The following ANK3 variants were observed in gnomAD, a reference collection of about 807,000 sequenced individuals.
ANK3 encodes ankyrin 3.
In ANK3, 57 loss-of-function variants were observed where a neutral mutation model predicts 370.9. The observed-to-expected ratio is 0.15, with a 90% CI of 0.12 to 0.19. ANK3 has a LOEUF of 0.19. ANK3 is among the 10% of genes least tolerant of loss of function. ANK3 has a pLI of 1.00. For missense variants in ANK3, 4,439 were observed against 5,302.1 expected (o/e 0.84, Z 5.06); for synonymous variants, 1,929 against 1,946.3 (o/e 0.99, Z 0.23).
At chr10:60,491,227 A>C (rs75598801) in intron 2 of ANK3, among the ~76,000 whole-genome samples, 19,802 of 152,142 alleles carry the variant, frequency 0.13, 1,505 homozygotes, top group African/African-American at 0.21. Flanking sequence ...ACTAAGGTTA[A>C]AATCAACATT....
chr10:60,325,565 C>A (rs2049642655), intron 1 of ANK3, among the ~76,000 whole-genome samples: 1 of 152,174 alleles, frequency 6.6e-6, no homozygotes. Context: ...CTAAAATGAG[C>A]AACACACTTT....
chr10:60,334,359 C>A (rs1446913797), intron 1 of ANK3, among the ~76,000 whole-genome samples: 1 of 152,166 alleles, frequency 6.6e-6, no homozygotes, highest in East Asian at 1.9e-4. Flanking sequence ...AGCCACCACA[C>A]CACAATCCTC....
intron 1 of ANK3, among the ~76,000 whole-genome samples, chr10:60,623,855 C>A (rs964689885): frequency 2.6e-5 from 4 of 152,168 alleles, no homozygotes; most frequent in Non-Finnish European, 5.9e-5. Context: ...AGAGTCTATG[C>A]AAACAATGTG....
At chr10:60,193,760 G>A (rs1322392322) in intron 16 of ANK3, among the ~76,000 whole-genome samples, 1 of 152,022 alleles carries the variant, frequency 6.6e-6, no homozygotes, top group Admixed American at 6.6e-5. Flanking sequence ...TCTCATCCAA[G>A]GAAAAAATAG....
rs188106797 is a variant in ANK3 at position 60,701,268 on chromosome 10, A to C, written c.57+31995T>G. ...TCTGGGCAAGGCTGTGAGAAAAAAA[A>C]ACATTTTCATATGTGGTCGAGAATA... On this transcript the variant is annotated intron_variant, in intron 1 of 43. Transcript: ENST00000373827. Among the ~76,000 whole-genome samples the C allele has an allele frequency of 1.9e-3, 293 of 152,288 alleles. 1 individual carries two copies. The highest frequency in any genetic ancestry group is 3.4e-3 in the Non-Finnish European group (233 of 68,020).
At chr10:60,502,901 C>T (rs952170521) in intron 2 of ANK3, among the ~76,000 whole-genome samples, 7 of 147,180 alleles carry the variant, frequency 4.8e-5, no homozygotes, top group African/African-American at 1.8e-4. Context: ...AGAAAGAGAA[C>T]AAGACAGAAA....
chr10:60,595,432 G>T (rs1302013753), intron 2 of ANK3, among the ~76,000 whole-genome samples: 1 of 152,126 alleles, frequency 6.6e-6, no homozygotes. Context: ...CACTGAGTCA[G>T]TTCCTGGTTG....
intron 2 of ANK3, among the ~76,000 whole-genome samples, chr10:60,562,382 A>G (rs1018921740): frequency 2.0e-5 from 3 of 151,388 alleles, no homozygotes; most frequent in Admixed American, 2.0e-4. Flanking sequence ...AAATGTTAAC[A>G]ATATGTCTTA....
chr10:60,412,930 G>T (rs569252888), intron 2 of ANK3, among the ~76,000 whole-genome samples: 1 of 152,220 alleles, frequency 6.6e-6, no homozygotes, highest in East Asian at 1.9e-4. Flanking sequence ...ATGCTATCTG[G>T]TACATAATAA....
intron 43 of ANK3, 121 bp downstream of exon 43, chr10:60,042,551 T>C: frequency 9.8e-7 from 1 of 1,023,224 alleles, no homozygotes; most frequent in East Asian, 2.5e-5. Context: ...CGTATTTGAT[T>C]TTCAAAGCTG....
intron 2 of ANK3, among the ~76,000 whole-genome samples, chr10:60,434,705 A>C (rs2064114003): frequency 6.6e-6 from 1 of 152,216 alleles, no homozygotes; most frequent in South Asian, 2.1e-4. Context: ...TGCATCCCAG[A>C]GTACGACTAG....
intron 4 of ANK3, 131 bp downstream of exon 4, chr10:60,278,643 A>C: frequency 1.3e-6 from 1 of 764,178 alleles, no homozygotes; most frequent in East Asian, 2.6e-5. Flanking sequence ...AGTGTGCCAA[A>C]TATAACTTTT....
intron 27 of ANK3, among the ~76,000 whole-genome samples, chr10:60,107,214 T>C (rs2092284632): frequency 6.6e-6 from 1 of 152,182 alleles, no homozygotes; most frequent in Non-Finnish European, 1.5e-5. Context: ...CTTCAATAGG[T>C]AGAAACAAAA....
chr10:60,278,867 T>C lies in ANK3; in HGVS notation c.321A>G (p.Gly107=). The C allele has an allele frequency of 3.7e-6, 6 of 1,613,902 alleles. No individual in the cohort carries two copies. The highest frequency in any genetic ancestry group is 5.1e-6 in the Non-Finnish European group (6 of 1,179,866). ...EANVDAATKK[G]NTALHIASLA... is the part of the protein sequence containing the mutation. Reference sequence around the variant, plus strand: ...AAGATGCGATGTGCAATGCTGTGTTTCCTTTCTGTGAAATGAAAGTCAAGA... The same window carrying C: ...AAGATGCGATGTGCAATGCTGTGTTCCCTTTCTGTGAAATGAAAGTCAAGA... The change falls in exon 4 of 44, where the codon GGA becomes GGG. Residue 107 remains glycine (G), a synonymous_variant. Coordinates refer to ENST00000280772, the MANE Select transcript of ANK3 (RefSeq NM_020987.5).
intron 2 of ANK3, among the ~76,000 whole-genome samples, chr10:60,448,518 CAGTT>C (rs2064511336): frequency 6.6e-6 from 1 of 152,198 alleles, no homozygotes; most frequent in Admixed American, 6.5e-5. Context: ...TTTTCTAAGA[CAGTT>C]AGTTGACCTA....
chr10:60,471,301 G>A (rs182442007), intron 2 of ANK3, among the ~76,000 whole-genome samples: 237 of 152,226 alleles, frequency 1.6e-3, no homozygotes, highest in Admixed American at 1.4e-3. Flanking sequence ...TATATACACA[G>A]ATATACAGTG....
At chr10:60,117,197 T>G (rs1234836367) in intron 25 of ANK3, among the ~76,000 whole-genome samples, 3 of 152,140 alleles carry the variant, frequency 2.0e-5, no homozygotes, top group Admixed American at 6.5e-5. Flanking sequence ...TAATGGAAGA[T>G]GTACTCCACC....
At chr10:60,732,409 C>A (rs1052410063) in intron 1 of ANK3, among the ~76,000 whole-genome samples, 4 of 152,190 alleles carry the variant, frequency 2.6e-5, no homozygotes, top group African/African-American at 9.7e-5. Flanking sequence ...CGCCTCCGGG[C>A]GTAAAGGTGG....
chr10:60,030,017 T>G, intron 43 of ANK3, among the ~76,000 whole-genome samples, 191 bp from the exon 44 acceptor site: 1 of 151,554 alleles, frequency 6.6e-6, no homozygotes, highest in East Asian at 1.9e-4. Context: ...GCTAGATGCC[T>G]TAGAGGACAA....
Sources: gnomAD v4.1 joint callset for allele counts (sites outside exome capture counted in the v4.1 genomes callset) on GRCh38, gnomAD v4.1.1 for gene constraint, MANE v1.5 for transcripts, NCBI Gene and HGNC (gene_info 2026-07-23, HGNC 2026-07-21) for gene names.